Variants in FOXN3 observed in about 807,000 individuals in gnomAD.
The protein encoded by FOXN3 is forkhead box protein N3.
A neutral mutation model predicts 38.4 loss-of-function variants in FOXN3; 7 were observed. That is an observed-to-expected ratio of 0.18 (90% CI 0.10 to 0.34). FOXN3 has a LOEUF of 0.34. Among genes scored for constraint, FOXN3 ranks in the 10% least tolerant of loss-of-function variants. FOXN3 has a pLI of 1.00. For missense variants in FOXN3, 456 were observed against 613.4 expected, an observed-to-expected ratio of 0.74 and a Z score of 2.71; for synonymous variants, 230 against 242.2, an observed-to-expected ratio of 0.95 and a Z score of 0.47.
chr14:89,445,806 C>T (rs1329568335), intron 1 of FOXN3, among the ~76,000 whole-genome samples: 2 of 152,086 alleles, frequency 1.3e-5, no homozygotes. Context: ...GATGGCTGAG[C>T]ATGGTGGCTC....
At chr14:89,333,966 G>GTGTATATATA (rs1490383212) in intron 3 of FOXN3, among the ~76,000 whole-genome samples, 9 of 131,546 alleles carry the variant, frequency 6.8e-5, no homozygotes, top group African/African-American at 2.3e-4. Flanking sequence ...AATGTGGTGT[G>GTGTATATATA]TATATATATA....
At chr14:89,432,185 T>C (rs1234948331) in intron 1 of FOXN3, among the ~76,000 whole-genome samples, 1 of 152,216 alleles carries the variant, frequency 6.6e-6, no homozygotes, top group Non-Finnish European at 1.5e-5. Context: ...AAATATTGGT[T>C]TGAAACTAAG....
At chr14:89,533,532 G>A (rs1260472988) in intron 1 of FOXN3, among the ~76,000 whole-genome samples, 1 of 151,926 alleles carries the variant, frequency 6.6e-6, no homozygotes, top group Admixed American at 6.6e-5. Context: ...GCATGGTGGC[G>A]GGGGCCTGTA....
Position 89,467,800 on chromosome 14 carries a change from C to CTTTCTT in FOXN3, c.-14-55311_-14-55310insAAGAAA, listed in dbSNP as rs1383456566. 4.0e-3 allele frequency among the ~76,000 whole-genome samples: 232 copies of CTTTCTT among 57,820 alleles called. 1 individual carries two copies. Among genetic ancestry groups the CTTTCTT allele is most frequent in the African/African-American group, 0.011 (214 of 18,746 alleles). 37.9% of individuals were successfully genotyped at this position (57,820 alleles called of 152,430 possible). A position where few individuals can be genotyped will look rare whatever the true frequency, so the allele number is the denominator to read the frequency against. The stretch of plus-strand genomic sequence containing the variant: ...TCTTCTTCTTCCTTTTCTTTTCTTT[C>CTTTCTT]TTTGTTTTTTTTTTTTTTTTTTTTT... On this transcript the variant is annotated intron_variant, in intron 1 of 6. Transcript: ENST00000345097.
intron 3 of FOXN3, among the ~76,000 whole-genome samples, chr14:89,300,516 A>G (rs998235157): frequency 6.6e-6 from 1 of 152,164 alleles, no homozygotes; most frequent in Non-Finnish European, 1.5e-5. Context: ...AGTTTTTGAC[A>G]GTCTGGCTCC....
At chr14:89,582,424 C>G (rs1895759838) in intron 1 of FOXN3, among the ~76,000 whole-genome samples, 1 of 151,386 alleles carries the variant, frequency 6.6e-6, no homozygotes, top group Admixed American at 6.6e-5. Flanking sequence ...GAATAGCCAA[C>G]TGAAGAATAT....
At chr14:89,574,068 A>G (rs576399781) in intron 1 of FOXN3, among the ~76,000 whole-genome samples, 131 of 152,344 alleles carry the variant, frequency 8.6e-4, no homozygotes, top group African/African-American at 3.0e-3. Context: ...CAAGGTCCTT[A>G]GTAGCAAAGA....
chr14:89,437,704 C>A (rs1487286976), intron 1 of FOXN3, among the ~76,000 whole-genome samples: 1 of 152,158 alleles, frequency 6.6e-6, no homozygotes, highest in African/African-American at 2.4e-5. Flanking sequence ...CAAGAAATAA[C>A]CATAAAAATA....
intron 2 of FOXN3, among the ~76,000 whole-genome samples, chr14:89,367,947 C>A (rs565621561): frequency 6.6e-6 from 1 of 152,282 alleles, no homozygotes; most frequent in African/African-American, 2.4e-5. Context: ...TGCTCCTCAC[C>A]AATTATGTTC....
Position 89,467,804 on chromosome 14 carries a change from G to GTTTTTTTTTTTTTT in FOXN3, c.-14-55328_-14-55315dup, listed in dbSNP as rs68132432. ...CTTCTTCCTTTTCTTTTCTTTCTTT[G>GTTTTTTTTTTTTTT]TTTTTTTTTTTTTTTTTTTTTTTTG... On this transcript the variant is annotated intron_variant, in intron 1 of 6. Transcript: ENST00000345097. Among the ~76,000 whole-genome samples, 5 of 56,592 alleles carry GTTTTTTTTTTTTTT rather than the reference G, an allele frequency of 8.8e-5. 1 individual carries two copies. Among genetic ancestry groups the GTTTTTTTTTTTTTT allele is most frequent in the African/African-American group, 1.3e-4 (2 of 14,832 alleles). The allele number at this position is 56,592 out of a possible 152,430, so 37.1% of individuals were successfully genotyped here.
intron 1 of FOXN3, among the ~76,000 whole-genome samples, chr14:89,451,764 T>C (rs915468248): frequency 6.6e-5 from 10 of 152,164 alleles, no homozygotes; most frequent in African/African-American, 1.9e-4. Flanking sequence ...ATTGTTGAAG[T>C]CTTGTGTGTA....
chr14:89,325,363 A>ACCACCACCG (rs1888047608), intron 3 of FOXN3, among the ~76,000 whole-genome samples: 4 of 121,338 alleles, frequency 3.3e-5, no homozygotes, highest in African/African-American at 9.2e-5. Flanking sequence ...CACCACCACT[A>ACCACCACCG]CCACCACCGC....
At chr14:89,415,269 A>C (rs924956269) in intron 1 of FOXN3, among the ~76,000 whole-genome samples, 1 of 152,332 alleles carries the variant, frequency 6.6e-6, no homozygotes, top group South Asian at 2.1e-4. Flanking sequence ...AAGTAATTTA[A>C]TTGCACTGTT....
chr14:89,441,363 G>A (rs1249232550), intron 1 of FOXN3, among the ~76,000 whole-genome samples: 4 of 152,124 alleles, frequency 2.6e-5, no homozygotes, highest in Admixed American at 2.6e-4. Context: ...ACCTGAACCT[G>A]CTAAATTTTT....
intron 2 of FOXN3, among the ~76,000 whole-genome samples, chr14:89,395,260 C>T (rs1891070547): frequency 6.6e-6 from 1 of 152,160 alleles, no homozygotes; most frequent in African/African-American, 2.4e-5. Context: ...GTGTCCGGGA[C>T]AATTCTGCTT....
chr14:89,268,113 T>C (rs1293913141), intron 4 of FOXN3, among the ~76,000 whole-genome samples: 1 of 152,206 alleles, frequency 6.6e-6, no homozygotes, highest in Non-Finnish European at 1.5e-5. Flanking sequence ...CATATACATA[T>C]ATGCTGCTTG....
At chr14:89,214,477 C>T (rs1260456328) in intron 4 of FOXN3, among the ~76,000 whole-genome samples, 1 of 152,230 alleles carries the variant, frequency 6.6e-6, no homozygotes, top group Non-Finnish European at 1.5e-5. Context: ...GCCTGGGCTC[C>T]ATGCCACTCA....
In FOXN3 at chr14:89,485,579, G is replaced by A. The variant is rs563980326; in HGVS notation, c.-14-73089C>T. ...TCAGGTAGACAGGCAGAGGCAGGGT[G>A]TGGACAGGCCCAGAGAAGCAGAAAA... is the stretch of plus-strand genomic sequence containing the variant. On this transcript the variant is annotated intron_variant, in intron 1 of 6. Transcript: ENST00000345097. Among the ~76,000 whole-genome samples the A allele has an allele frequency of 7.9e-5, 12 of 152,268 alleles. No individual in the cohort carries two copies. The South Asian group carries it at 2.5e-3, about 32-fold the overall frequency.
chr14:89,232,559 C>A (rs549925633), intron 4 of FOXN3, among the ~76,000 whole-genome samples: 1 of 152,322 alleles, frequency 6.6e-6, no homozygotes, highest in South Asian at 2.1e-4. Context: ...AAAGAGCACA[C>A]GTTTTCAGAG....
Sources: allele counts gnomAD v4.1 joint callset (sites outside exome capture counted in the v4.1 genomes callset), GRCh38; gene constraint gnomAD v4.1.1; transcripts MANE v1.5; gene names NCBI Gene and HGNC (gene_info 2026-07-23, HGNC 2026-07-21).